Variants in SHISA9 observed in about 807,000 individuals in gnomAD.
SHISA9 encodes protein shisa-9.
A neutral mutation model predicts 38.0 loss-of-function variants in SHISA9; 13 were observed. The observed-to-expected ratio is 0.34, with a 90% CI of 0.22 to 0.54. The LOEUF is 0.54. SHISA9 is among the 20% of genes least tolerant of loss of function. The pLI is 0.91. For missense variants in SHISA9, 538 were observed against 575.8 expected (o/e 0.93, Z 0.67); for synonymous variants, 275 against 242.0 (o/e 1.14, Z -1.27).
At chr16:13,151,612 A>G (rs1382309778) in intron 2 of SHISA9, among the ~76,000 whole-genome samples, 2 of 152,196 alleles carry the variant, frequency 1.3e-5, no homozygotes, top group African/African-American at 2.4e-5. Flanking sequence ...TATAAAGAAT[A>G]TTTCCAAATT....
rs555467788 is a variant in SHISA9, at chr16:13,213,558, G to A, written c.895+258G>A. 1.3e-3 allele frequency among the ~76,000 whole-genome samples: 197 copies of A among 152,204 alleles called. 1 individual carries two copies. The highest frequency in any genetic ancestry group is 4.6e-3 in the African/African-American group (191 of 41,536). On this transcript the variant is annotated intron_variant, in intron 4 of 4. Coordinates refer to ENST00000558583, the MANE Select transcript of SHISA9 (RefSeq NM_001145204.3). ...GCTGCCTGATGGAAAATATCACTAT[G>A]AGAAATCATGCCAGGTAAGGTGAAA...
intron 2 of SHISA9, among the ~76,000 whole-genome samples, chr16:12,988,377 A>G (rs575905880): frequency 1.3e-5 from 2 of 152,228 alleles, no homozygotes; most frequent in Admixed American, 6.5e-5. Flanking sequence ...TCTTCATTCT[A>G]CCACTAACAG....
chr16:13,427,707 G>A, the SHISA9 span, among the ~76,000 whole-genome samples: 293 of 152,096 alleles, frequency 1.9e-3, 1 homozygote, highest in Non-Finnish European at 3.2e-3. Flanking sequence ...GATGAGTAGA[G>A]ACAGAGCAGG....
chr16:13,198,266 GCATACATATATACTTGTGTGTA>G (rs2050968593), intron 2 of SHISA9, among the ~76,000 whole-genome samples: 2 of 102,686 alleles, frequency 1.9e-5, no homozygotes, highest in African/African-American at 3.6e-5. Flanking sequence ...GTGTGTATAT[GCATACATATATACTTGTGTGTA>G]TATGCATACA....
chr16:13,103,922 C>A (rs1251176944), intron 2 of SHISA9, among the ~76,000 whole-genome samples: 2 of 152,154 alleles, frequency 1.3e-5, no homozygotes, highest in East Asian at 1.9e-4. Flanking sequence ...CTCCCCCATT[C>A]TGGGATATAC....
At chr16:13,034,373 A>G (rs1198706819) in intron 2 of SHISA9, among the ~76,000 whole-genome samples, 1 of 152,206 alleles carries the variant, frequency 6.6e-6, no homozygotes, top group Non-Finnish European at 1.5e-5. Context: ...AGACTTGCTA[A>G]TGAGCAGTGA....
intron 2 of SHISA9, among the ~76,000 whole-genome samples, chr16:13,171,494 G>T (rs2050686277): frequency 6.8e-6 from 1 of 146,926 alleles, no homozygotes. Flanking sequence ...GGGCGGGGGT[G>T]GGGGCGGGAG....
intron 2 of SHISA9, among the ~76,000 whole-genome samples, chr16:13,107,472 G>GAC (rs34291803): frequency 0.087 from 12,610 of 144,140 alleles, 537 homozygotes; most frequent in East Asian, 0.12. Context: ...AAAAACAACA[G>GAC]ACACACACAC....
the SHISA9 span, among the ~76,000 whole-genome samples, chr16:13,551,721 C>G: frequency 6.6e-6 from 1 of 151,970 alleles, no homozygotes; most frequent in African/African-American, 2.4e-5. Context: ...CCTGAGTGAT[C>G]AGGTGAAAAA....
At chr16:13,439,972 T>C in the SHISA9 span, among the ~76,000 whole-genome samples, 1 of 152,158 alleles carries the variant, frequency 6.6e-6, no homozygotes, top group African/African-American at 2.4e-5. Flanking sequence ...TTAGATAAAA[T>C]GCTGTTAAGG....
the SHISA9 span, among the ~76,000 whole-genome samples, chr16:13,472,377 A>AGTTTTT: frequency 1.8e-5 from 1 of 55,416 alleles, no homozygotes; most frequent in Non-Finnish European, 3.2e-5. Context: ...GCTCTGCTAA[A>AGTTTTT]TTTTTTTTTT....
At chr16:13,158,470 C>G (rs1230518349) in intron 2 of SHISA9, among the ~76,000 whole-genome samples, 1 of 152,208 alleles carries the variant, frequency 6.6e-6, no homozygotes, top group Non-Finnish European at 1.5e-5. Flanking sequence ...GCCACAAAAG[C>G]TGTCCTGGGA....
intron 2 of SHISA9, among the ~76,000 whole-genome samples, chr16:13,072,065 G>A (rs1347240502): frequency 6.6e-6 from 1 of 152,206 alleles, no homozygotes; most frequent in African/African-American, 2.4e-5. Context: ...AGTGCCCGGG[G>A]ACTAAATGAT....
At chr16:13,349,875 C>T in the SHISA9 span, among the ~76,000 whole-genome samples, 87 of 152,228 alleles carry the variant, frequency 5.7e-4, no homozygotes, top group Non-Finnish European at 1.0e-3. Context: ...AGCAAAAAGA[C>T]CAAGGTCTTT....
the SHISA9 span, chr16:13,458,567 A>G: frequency 2.4e-6 from 1 of 418,982 alleles, no homozygotes; most frequent in Non-Finnish European, 4.8e-6. Flanking sequence ...GAACTTGAAC[A>G]GAAGGTGAAA....
At chr16:13,551,014 T>C in the SHISA9 span, among the ~76,000 whole-genome samples, 2 of 151,824 alleles carry the variant, frequency 1.3e-5, no homozygotes, top group African/African-American at 2.4e-5. Context: ...TCCCAGCTAC[T>C]TGGGAGGCTG....
chr16:13,449,403 A>T, the SHISA9 span, among the ~76,000 whole-genome samples: 2 of 152,164 alleles, frequency 1.3e-5, no homozygotes, highest in Admixed American at 1.3e-4. Context: ...TACTTTAAAA[A>T]TCTAATATTT....
chr16:13,437,923 T>TGTTTCTTTTTTTTTTTTTTTA, the SHISA9 span, among the ~76,000 whole-genome samples: 1 of 150,056 alleles, frequency 6.7e-6, no homozygotes. Flanking sequence ...TGGAGTGCAG[T>TGTTTCTTTTTTTTTTTTTTTA]GACGTGATCT....
intron 2 of SHISA9, among the ~76,000 whole-genome samples, chr16:12,940,843 C>G (rs1367319429): frequency 6.6e-6 from 1 of 152,168 alleles, no homozygotes; most frequent in African/African-American, 2.4e-5. Context: ...TATCCAGTTA[C>G]TTAGATCACT....
Sources: gnomAD v4.1 joint callset for allele counts (sites outside exome capture counted in the v4.1 genomes callset) on GRCh38, gnomAD v4.1.1 for gene constraint, MANE v1.5 for transcripts, NCBI Gene and HGNC (gene_info 2026-07-23, HGNC 2026-07-21) for gene names.